Variants in ZNF112 observed in about 807,000 individuals in gnomAD.
ZNF112 encodes zinc finger protein 112 (Y14).
A neutral mutation model predicts 77.7 loss-of-function variants in ZNF112; 37 were observed. The observed-to-expected ratio is 0.48, with a 90% confidence interval of 0.37 to 0.63. The LOEUF (loss-of-function observed/expected upper bound fraction) is 0.63. ZNF112 is among the 20% of genes least tolerant of loss of function. The probability of loss-of-function intolerance (pLI) is 0.00; values close to 1 mark genes in which losing one functional copy is unlikely to be tolerated. For missense variants in ZNF112, 950 were observed against 1,077.4 expected (o/e 0.88, Z 1.66); for synonymous variants, 333 against 363.6 (o/e 0.92, Z 0.96).
rs539254768 is a variant in ZNF112, at chr19:44,346,068, T to A, written c.-3-5526A>T. ...CACAGATCCTCTTAGCTTTTAACAC[T>A]GAGCTTGTATGTGCCCCGCTCTGTG... On this transcript the variant is annotated intron_variant, in intron 1 of 3. Coordinates refer to ENST00000354340, the MANE Select transcript of ZNF112 (RefSeq NM_013380.4). Among the ~76,000 whole-genome samples the A allele has an allele frequency of 2.2e-4, 34 of 152,352 alleles. No individual in the cohort carries two copies. The East Asian group carries it at 6.4e-3, about 29-fold the overall frequency.
chr19:44,350,545 G>A (rs1970672846), intron 1 of ZNF112, among the ~76,000 whole-genome samples: 1 of 151,988 alleles, frequency 6.6e-6, no homozygotes, highest in African/African-American at 2.4e-5. Flanking sequence ...AAATTAAAAG[G>A]CAAAACAGTA....
chr19:44,344,150 G>C (rs1470541875), intron 1 of ZNF112, among the ~76,000 whole-genome samples: 1 of 152,126 alleles, frequency 6.6e-6, no homozygotes, highest in Non-Finnish European at 1.5e-5. Context: ...ACAAAAATGT[G>C]ATCCTCTGTC....
chr19:44,345,105 TA>T (rs1164992313), intron 1 of ZNF112, among the ~76,000 whole-genome samples: 2 of 151,974 alleles, frequency 1.3e-5, no homozygotes, highest in Admixed American at 6.6e-5. Context: ...TGGGGAGCTT[TA>T]AAAAAAACCA....
chr19:44,326,982 C>T lies in ZNF112; in HGVS notation c.*451G>A, dbSNP rs962397120. The T allele has an allele frequency of 1.9e-5, 3 of 154,450 alleles. No individual in the cohort carries two copies. Among genetic ancestry groups the T allele is most frequent in the Non-Finnish European group, 4.3e-5 (3 of 69,536 alleles). The allele number at this position is 154,450 out of a possible 1,614,324, so 9.6% of individuals were successfully genotyped here. A position where few individuals can be genotyped will look rare whatever the true frequency, so the allele number is the denominator to read the frequency against. ...TATTAAGATTACTTGCAGGATTTCT[C>T]CTCCAAATACATTTTAAGTTTTAAA... is the stretch of plus-strand genomic sequence containing the variant. On this transcript the variant is annotated 3_prime_UTR_variant, in exon 4 of 4. Coordinates refer to ENST00000354340, the MANE Select transcript of ZNF112 (RefSeq NM_013380.4).
Position 44,327,238 on chromosome 19 carries a change from CT to C in ZNF112, c.*194del. ...ACTCATATTTTATAAGCCTTAGCTC[CT>C]GTGCAATGACTGATGTTAAAGTTCT... On this transcript the variant is annotated 3_prime_UTR_variant, in exon 4 of 4. Transcript: ENST00000354340. 1 of 542,646 alleles carries C rather than the reference CT, an allele frequency of 1.8e-6. No individual in the cohort carries two copies. The highest frequency in any genetic ancestry group is 3.2e-6 in the Non-Finnish European group (1 of 309,160). The allele number at this position is 542,646 out of a possible 1,614,324, so 33.6% of individuals were successfully genotyped here.
At position 44,328,510 on chromosome 19, in the gene ZNF112, G is replaced by A. The variant is rs547904462; in HGVS notation, c.1647C>T (p.Cys549=). The A allele has an allele frequency of 3.0e-5, 48 of 1,595,736 alleles. No homozygotes were observed. Among genetic ancestry groups the A allele is most frequent in the African/African-American group, 3.0e-4 (22 of 74,062 alleles). The change falls in exon 4 of 4, where the codon TGC becomes TGT. Residue 549 remains cysteine (C), a synonymous_variant. Transcript: ENST00000354340. ...RVHTGEKPYK[C]EECDKGFSRS... is the part of the protein sequence containing the mutation. Reference sequence around the variant, plus strand: ...GACTGAATCCCTTATCACATTCCTCGCATTTATAAGGTTTCTCTCCTGTGT... The same window carrying A: ...GACTGAATCCCTTATCACATTCCTCACATTTATAAGGTTTCTCTCCTGTGT...
At chr19:44,347,658 T>C (rs543362274) in intron 1 of ZNF112, among the ~76,000 whole-genome samples, 2 of 152,024 alleles carry the variant, frequency 1.3e-5, no homozygotes, top group South Asian at 4.2e-4. Flanking sequence ...GCAGATGCCT[T>C]ACCAACAAAT....
intron 3 of ZNF112, among the ~76,000 whole-genome samples, chr19:44,335,083 G>T (rs1434860959): frequency 1.3e-5 from 2 of 152,244 alleles, no homozygotes; most frequent in African/African-American, 4.8e-5. Context: ...ACCCTGCAGA[G>T]CCACAGAGGC....
Position 44,328,662 on chromosome 19 carries a change from C to T in ZNF112, c.1495G>A (p.Gly499Ser). The T allele has an allele frequency of 6.2e-7, 1 of 1,614,154 alleles. No homozygotes were observed. The highest frequency in any genetic ancestry group is 8.5e-7 in the Non-Finnish European group (1 of 1,180,016). Residue 499 changes from glycine (G) to serine (S), a missense_variant, in exon 4 of 4, where the codon GGC becomes AGC. By Grantham distance (56) the Gly-to-Ser change is moderately conservative. Around this residue, in one of 3 missense-constraint regions of ZNF112, gnomAD observed 560 missense variants for 557.3 expected, o/e 1.00. Coordinates refer to ENST00000354340, the MANE Select transcript of ZNF112 (RefSeq NM_013380.4). ...GEKPRKEHGN[G>S]FNWSSKLKDH... ...TTAAGTTTTGAGCTCCAGTTGAAGC[C>T]ATTCCCATGCTCCTTACGTGGTTTC...
At chr19:44,340,355 T>C (rs1273489020) in intron 2 of ZNF112, 61 bp downstream of exon 2, 28 of 1,572,300 alleles carry the variant, frequency 1.8e-5, no homozygotes, top group Admixed American at 1.0e-4. Flanking sequence ...TTTCTAACAA[T>C]TGAGCACACA....
chr19:44,363,896 T>A (rs1970878131), intron 1 of ZNF112, among the ~76,000 whole-genome samples: 1 of 152,164 alleles, frequency 6.6e-6, no homozygotes. Flanking sequence ...TGAATCCTAA[T>A]AAGCATTTGC....
chr19:44,355,522 T>C (rs200878766), intron 1 of ZNF112, among the ~76,000 whole-genome samples: 3 of 152,214 alleles, frequency 2.0e-5, no homozygotes, highest in Non-Finnish European at 2.9e-5. Context: ...CTGAAGCTGA[T>C]ACTAAACACA....
intron 1 of ZNF112, among the ~76,000 whole-genome samples, chr19:44,341,004 C>T (rs28485815): frequency 0.035 from 5,293 of 152,266 alleles, 243 homozygotes; most frequent in African/African-American, 0.11. Context: ...ATGGGCACAG[C>T]TCTGGAGCCT....
chr19:44,347,001 C>G (rs1191783590), intron 1 of ZNF112, among the ~76,000 whole-genome samples: 3 of 152,176 alleles, frequency 2.0e-5, no homozygotes, highest in Non-Finnish European at 4.4e-5. Context: ...TCTTCTTGTT[C>G]TACTGATTAC....
At chr19:44,343,267 A>AT in intron 1 of ZNF112, 2 of 1,613,592 alleles carry the variant, frequency 1.2e-6, no homozygotes, top group Non-Finnish European at 1.7e-6. Context: ...GAATTTGGTC[A>AT]TTTTTCTCTT....
At chr19:44,340,270 CTT>C (rs1970465473) in intron 2 of ZNF112, 144 bp downstream of exon 2, 1 of 1,082,818 alleles carries the variant, frequency 9.2e-7, no homozygotes, top group Non-Finnish European at 1.3e-6. Context: ...TCAGAAACAT[CTT>C]GTCTGTGTTG....
At chr19:44,334,728 A>G (rs2571106) in intron 3 of ZNF112, among the ~76,000 whole-genome samples, 34,783 of 152,290 alleles carry the variant, frequency 0.23, 5,416 homozygotes, top group African/African-American at 0.43. Flanking sequence ...GCAAACCCCA[A>G]GCCTTGGCAG....
At chr19:44,362,536 C>A (rs1970864703) in intron 1 of ZNF112, among the ~76,000 whole-genome samples, 1 of 151,550 alleles carries the variant, frequency 6.6e-6, no homozygotes, top group South Asian at 2.1e-4. Flanking sequence ...TCTTGGCATA[C>A]AAGATTCAGT....
At position 44,327,298 on chromosome 19, in the gene ZNF112, T is replaced by A. The variant is rs1970140803; in HGVS notation, c.*135A>T. ...CCCTCGTGAAACCCCTCTCATTAAA[T>A]GTCTCTGTTGTGTGGTCTCCTGGCC... On this transcript the variant is annotated 3_prime_UTR_variant, in exon 4 of 4. Transcript: ENST00000354340. 2.9e-6 allele frequency: 2 copies of A among 682,682 alleles called. No homozygotes were observed. The highest frequency in any genetic ancestry group is 6.1e-5 in the Admixed American group (2 of 33,032). The allele number at this position is 682,682 out of a possible 1,614,324, so 42.3% of individuals were successfully genotyped here.
Sources: allele counts gnomAD v4.1 joint callset (sites outside exome capture counted in the v4.1 genomes callset), GRCh38; gene constraint gnomAD v4.1.1; regional missense constraint gnomAD v4.1.1; transcripts MANE v1.5; gene names NCBI Gene and HGNC (gene_info 2026-07-23, HGNC 2026-07-21).